ZC3H7A: variants seen among roughly 807,000 people sequenced by gnomAD.
The protein encoded by ZC3H7A is zinc finger CCCH domain-containing protein 7A.
In ZC3H7A, 44 loss-of-function variants were observed where a neutral mutation model predicts 125.5. The ratio of observed to expected loss-of-function variants is 0.35; its 90% CI spans 0.28 to 0.45. The LOEUF is 0.45. Ranked by LOEUF, ZC3H7A falls within the 20% of genes least tolerant of loss-of-function variation. The probability of loss-of-function intolerance (pLI) is 1.00; values close to 1 mark genes in which losing one functional copy is unlikely to be tolerated. For synonymous variants in ZC3H7A, 399 were observed against 391.2 expected (o/e 1.02, Z -0.23); for missense variants, 977 against 1,170.7 (o/e 0.83, Z 2.41).
chr16:11,753,039 A>C (rs936705265), intron 21 of ZC3H7A: 1 of 546,512 alleles, frequency 1.8e-6, no homozygotes, highest in Non-Finnish European at 3.2e-6. Flanking sequence ...GCTGTCCAGG[A>C]AATCTCCGGT....
chr16:11,778,305 C>T (rs1376278297), intron 4 of ZC3H7A, among the ~76,000 whole-genome samples: 1 of 151,700 alleles, frequency 6.6e-6, no homozygotes, highest in East Asian at 2.0e-4. Flanking sequence ...GGCACGGCGG[C>T]ATGCGCCTGT....
intron 20 of ZC3H7A, among the ~76,000 whole-genome samples, chr16:11,757,136 G>A (rs1394910215): frequency 6.6e-6 from 1 of 152,040 alleles, no homozygotes; most frequent in Non-Finnish European, 1.5e-5. Flanking sequence ...TGCCAGTCAT[G>A]ACAATGAAAA....
rs748820849 is a variant in ZC3H7A at position 11,751,138 on chromosome 16, G to C, written c.*179C>G. Reference sequence around the variant, plus strand: ...CCATCTGATGCCAGTGGTTCCGTGAGAGCGTGGCCAGGCCTGTGAAACAGC... The same window carrying C: ...CCATCTGATGCCAGTGGTTCCGTGACAGCGTGGCCAGGCCTGTGAAACAGC... On this transcript the variant is annotated 3_prime_UTR_variant, in exon 23 of 23. Coordinates refer to ENST00000355758, the MANE Select transcript of ZC3H7A (RefSeq NM_014153.4). 3.5e-6 allele frequency: 2 copies of C among 575,252 alleles called. No homozygotes were observed. Among genetic ancestry groups the C allele is most frequent in the African/African-American group, 1.9e-5 (1 of 52,766 alleles). 35.6% of individuals were successfully genotyped at this position (575,252 alleles called of 1,614,324 possible). A position where few individuals can be genotyped will look rare whatever the true frequency, so the allele number is the denominator to read the frequency against.
At chr16:11,764,167 C>T (rs1341656094) in intron 15 of ZC3H7A, among the ~76,000 whole-genome samples, 1 of 152,166 alleles carries the variant, frequency 6.6e-6, no homozygotes, top group African/African-American at 2.4e-5. Context: ...AATCTCAGCA[C>T]TTTGCGAGGC....
chr16:11,768,431 A>C lies in ZC3H7A; in HGVS notation c.1244T>G (p.Phe415Cys). 1 of 1,589,836 alleles carries C rather than the reference A, an allele frequency of 6.3e-7. No individual in the cohort carries two copies. Among genetic ancestry groups the C allele is most frequent in the Admixed American group, 1.7e-5 (1 of 59,558 alleles). Residue 415 changes from phenylalanine to cysteine, a missense_variant, in exon 12 of 23, where the codon TTT becomes TGT. Phe to Cys is a radical substitution (Grantham distance 205). Coordinates refer to ENST00000355758, the MANE Select transcript of ZC3H7A (RefSeq NM_014153.4). ...AACTGCACTTCCAAAAAAGTTTCCA[A>C]AGTCATTTCTAGGCTGACTTGAAAT... ...LGISSQPRND[F>C]GNFFGSAVTK...
chr16:11,766,950 C>T (rs961475051), intron 13 of ZC3H7A, among the ~76,000 whole-genome samples: 4 of 152,160 alleles, frequency 2.6e-5, no homozygotes, highest in African/African-American at 9.7e-5. Context: ...ATCCAAGGAA[C>T]TTGCTATTAG....
At chr16:11,771,107 G>C (rs2052972851) in intron 9 of ZC3H7A, 120 bp from the exon 10 acceptor site, 19 of 1,017,274 alleles carry the variant, frequency 1.9e-5, no homozygotes, top group Non-Finnish European at 2.5e-5. Flanking sequence ...ACATAACAAA[G>C]TTTAGGCCAG....
intron 1 of ZC3H7A, among the ~76,000 whole-genome samples, chr16:11,793,571 C>A (rs923572823): frequency 6.6e-6 from 1 of 151,994 alleles, no homozygotes; most frequent in Non-Finnish European, 1.5e-5. Context: ...ATGATACATT[C>A]CACTCCATAT....
At position 11,779,335 on chromosome 16, in the gene ZC3H7A, A is replaced by G. The variant is rs544091344; in HGVS notation, c.137T>C (p.Leu46Pro). Residue 46 changes from leucine to proline, a missense_variant, in exon 4 of 23, where the codon CTT (leucine) becomes CCT (proline). This residue lies in a region of ZC3H7A where 199 missense variants were observed against 256.1 expected (regional missense o/e 0.78). Transcript: ENST00000355758. The part of the protein sequence containing the change: ...AVYLRALVRN[L>P]FNEGNDVYRE... ...ATAAACGTCATTTCCTTCATTAAAA[A>G]GATTTCTCACGAGAGCACGCAAATA... The G allele has an allele frequency of 6.2e-7, 1 of 1,613,948 alleles. No homozygotes were observed. The highest frequency in any genetic ancestry group is 1.1e-5 in the South Asian group (1 of 90,962).
intron 1 of ZC3H7A, among the ~76,000 whole-genome samples, chr16:11,784,331 A>C (rs2053220714): frequency 6.6e-6 from 1 of 152,020 alleles, no homozygotes; most frequent in Non-Finnish European, 1.5e-5. Context: ...TTTTAAAAAA[A>C]TTTATATATT....
chr16:11,760,582 C>T (rs2052736995), intron 19 of ZC3H7A, among the ~76,000 whole-genome samples: 1 of 152,182 alleles, frequency 6.6e-6, no homozygotes, highest in African/African-American at 2.4e-5. Flanking sequence ...GCCTCATTTA[C>T]ACGGGGACTC....
chr16:11,783,495 G>A (rs1474989994), intron 1 of ZC3H7A, among the ~76,000 whole-genome samples: 1 of 152,136 alleles, frequency 6.6e-6, no homozygotes, highest in Non-Finnish European at 1.5e-5. Context: ...TGTGATTGCA[G>A]GACATTGGCA....
At chr16:11,758,618 A>G in intron 19 of ZC3H7A, 79 bp from the exon 20 acceptor site, 1 of 975,284 alleles carries the variant, frequency 1.0e-6, no homozygotes, top group South Asian at 1.4e-5. Flanking sequence ...AAGCAAAAGA[A>G]GCATTATTAT....
At chr16:11,763,754 T>A (rs2052798475) in intron 15 of ZC3H7A, 95 bp from the exon 16 acceptor site, 1 of 60,006 alleles carries the variant, frequency 1.7e-5, no homozygotes, top group African/African-American at 9.6e-5. Flanking sequence ...TATATATATA[T>A]ATATATATAT....
intron 7 of ZC3H7A, among the ~76,000 whole-genome samples, 158 bp from the exon 8 acceptor site, chr16:11,775,171 G>A: frequency 6.6e-6 from 1 of 152,102 alleles, no homozygotes; most frequent in East Asian, 1.9e-4. Flanking sequence ...AGGAGTTTGA[G>A]ACCAGCCTGG....
chr16:11,788,373 T>C (rs997011341), intron 1 of ZC3H7A, among the ~76,000 whole-genome samples: 30 of 152,160 alleles, frequency 2.0e-4, no homozygotes, highest in African/African-American at 7.2e-4. Context: ...TAGGGCCCCA[T>C]GACAACTCTC....
intron 1 of ZC3H7A, among the ~76,000 whole-genome samples, chr16:11,794,790 C>G (rs908566716): frequency 6.6e-6 from 1 of 152,232 alleles, no homozygotes; most frequent in Non-Finnish European, 1.5e-5. Flanking sequence ...CCCACCCCAA[C>G]TGGCAGGTTT....
chr16:11,755,535 G>A (rs2052629707), intron 21 of ZC3H7A, among the ~76,000 whole-genome samples: 1 of 152,124 alleles, frequency 6.6e-6, no homozygotes, highest in African/African-American at 2.4e-5. Context: ...AGCGGGGAAT[G>A]TAAGGTCCAG....
intron 9 of ZC3H7A, 43 bp from the exon 10 acceptor site, chr16:11,771,030 C>A (rs2052971306): frequency 1.3e-6 from 2 of 1,561,492 alleles, no homozygotes; most frequent in South Asian, 2.4e-5. Flanking sequence ...ATGAAGCTGT[C>A]ATGGGTTTGG....
Sources: gnomAD v4.1 joint callset for allele counts (sites outside exome capture counted in the v4.1 genomes callset) on GRCh38, gnomAD v4.1.1 for gene constraint, gnomAD v4.1.1 regional missense constraint, MANE v1.5 for transcripts, NCBI Gene and HGNC (gene_info 2026-07-23, HGNC 2026-07-21) for gene names.